The following CIROZ variants were observed in gnomAD, a reference collection of about 807,000 sequenced individuals.
CIROZ encodes the protein ciliated left-right organizer ZP-N domains-containing protein.
At chr1:10,963,956 C>T in the CIROZ span, among the ~76,000 whole-genome samples, 1 of 152,272 alleles carries the variant, frequency 6.6e-6, no homozygotes, top group East Asian at 1.9e-4. Flanking sequence ...GAGACCTAGC[C>T]AGTACCCAGG....
At chr1:10,958,227 ACT>A in the CIROZ span, among the ~76,000 whole-genome samples, 2 of 152,162 alleles carry the variant, frequency 1.3e-5, no homozygotes, top group Non-Finnish European at 2.9e-5. Flanking sequence ...CATCAGGAAG[ACT>A]TGGGGAGGTC....
At chr1:10,962,191 A>C in the CIROZ span, among the ~76,000 whole-genome samples, 1 of 152,070 alleles carries the variant, frequency 6.6e-6, no homozygotes, top group South Asian at 2.1e-4. Context: ...CACACCTGTA[A>C]TCCCAGCACT....
the CIROZ span, among the ~76,000 whole-genome samples, chr1:10,978,172 TA>T: frequency 3.4e-3 from 437 of 126,760 alleles, no homozygotes; most frequent in South Asian, 6.6e-3. Context: ...AACTCCACAG[TA>T]AAAAAAAAAA....
At chr1:10,968,544 G>C in the CIROZ span, among the ~76,000 whole-genome samples, 1 of 152,178 alleles carries the variant, frequency 6.6e-6, no homozygotes, top group African/African-American at 2.4e-5. Context: ...GGGAAATAAA[G>C]TGTCTGAGCT....
At chr1:10,953,029 A>C in the CIROZ span, among the ~76,000 whole-genome samples, 1,016 of 152,364 alleles carry the variant, frequency 6.7e-3, 14 homozygotes, top group African/African-American at 0.023. Flanking sequence ...AAAATGTGTA[A>C]AAATTTTCAA....
At chr1:10,952,519 G>T in the CIROZ span, among the ~76,000 whole-genome samples, 7 of 151,908 alleles carry the variant, frequency 4.6e-5, no homozygotes, top group African/African-American at 1.7e-4. Context: ...GCATTTTTTT[G>T]GTGTTGTTTT....
chr1:10,949,502 C>G, the CIROZ span: 1 of 1,113,004 alleles, frequency 9.0e-7, no homozygotes, highest in Non-Finnish European at 1.3e-6. Context: ...CAGAGTGGGG[C>G]TCTCTTTGGA....
chr1:10,951,731 A>T, the CIROZ span, among the ~76,000 whole-genome samples: 80 of 112,700 alleles, frequency 7.1e-4, no homozygotes, highest in South Asian at 1.1e-3. Context: ...TCTCTTATTT[A>T]AAAAAAAAAA....
the CIROZ span, among the ~76,000 whole-genome samples, chr1:10,962,197 G>A: frequency 2.0e-5 from 3 of 152,096 alleles, no homozygotes; most frequent in South Asian, 2.1e-4. Context: ...TGTAATCCCA[G>A]CACTTTGGGA....
At chr1:10,960,048 C>T in the CIROZ span, among the ~76,000 whole-genome samples, 1 of 152,084 alleles carries the variant, frequency 6.6e-6, no homozygotes, top group African/African-American at 2.4e-5. This position sits in a 1 kb window ranked among gnomAD's most constrained non-coding sequence, Gnocchi z 4.6. Flanking sequence ...ACAGAGAGGC[C>T]CCCAGAGGCC....
the CIROZ span, among the ~76,000 whole-genome samples, chr1:10,952,144 T>C: frequency 6.6e-6 from 1 of 152,076 alleles, no homozygotes; most frequent in Non-Finnish European, 1.5e-5. Flanking sequence ...AATGAATTCA[T>C]ACTAGAGGGA....
the CIROZ span, among the ~76,000 whole-genome samples, chr1:10,959,180 T>C: frequency 1.3e-5 from 2 of 152,192 alleles, no homozygotes; most frequent in Non-Finnish European, 2.9e-5. This position sits in a 1 kb window ranked among gnomAD's most constrained non-coding sequence, Gnocchi z 4.3. Flanking sequence ...GAGTGAGGGC[T>C]TCTACGGTCC....
chr1:10,981,809 G>A, the CIROZ span, among the ~76,000 whole-genome samples: 3 of 152,168 alleles, frequency 2.0e-5, no homozygotes, highest in Non-Finnish European at 2.9e-5. Flanking sequence ...GAGAAAGGTG[G>A]GAGAGACTGT....
the CIROZ span, among the ~76,000 whole-genome samples, chr1:10,951,984 A>T: frequency 6.1e-3 from 926 of 152,214 alleles, 8 homozygotes; most frequent in African/African-American, 0.021. Context: ...CATATTTACA[A>T]AAGAAAAATA....
chr1:10,973,504 A>G, the CIROZ span, among the ~76,000 whole-genome samples: 1 of 152,190 alleles, frequency 6.6e-6, no homozygotes, highest in Admixed American at 6.5e-5. Context: ...TCAGGTCTGC[A>G]TACTCTGTAT....
At chr1:10,978,735 A>G in the CIROZ span, among the ~76,000 whole-genome samples, 1 of 152,062 alleles carries the variant, frequency 6.6e-6, no homozygotes, top group South Asian at 2.1e-4. Context: ...GTCCCATGCA[A>G]AGACCTGGGG....
chr1:10,961,220 A>G, the CIROZ span, among the ~76,000 whole-genome samples: 1 of 152,028 alleles, frequency 6.6e-6, no homozygotes, highest in South Asian at 2.1e-4. Flanking sequence ...GGCTCAGTGC[A>G]AAGGGAGCAG....
chr1:10,973,974 C>G, the CIROZ span, among the ~76,000 whole-genome samples: 1 of 150,340 alleles, frequency 6.7e-6, no homozygotes, highest in Admixed American at 6.6e-5. Context: ...CACCAAGTCT[C>G]TGCAAGCTCA....
chr1:10,973,391 TA>T, the CIROZ span, among the ~76,000 whole-genome samples: 1 of 151,852 alleles, frequency 6.6e-6, no homozygotes, highest in African/African-American at 2.4e-5. Flanking sequence ...AAAAACAAAA[TA>T]AAAATTTTAA....
Sources: allele counts gnomAD v4.1 joint callset (sites outside exome capture counted in the v4.1 genomes callset), GRCh38; gene constraint gnomAD v4.1.1; non-coding constraint Gnocchi (gnomAD v3.1); transcripts MANE v1.5; gene names NCBI Gene and HGNC (gene_info 2026-07-23, HGNC 2026-07-21).